Variants in CADPS2 observed in about 807,000 individuals in gnomAD.
CADPS2 encodes the protein calcium dependent secretion activator 2.
In CADPS2, 93 loss-of-function variants were observed where a neutral mutation model predicts 172.5. That is an observed-to-expected ratio of 0.54 (90% confidence interval 0.46 to 0.64). The LOEUF (loss-of-function observed/expected upper bound fraction) is 0.64, where lower values mean the gene tolerates loss of function less well. Among genes scored for constraint, CADPS2 ranks in the 30% least tolerant of loss-of-function variants. CADPS2 has a pLI of 0.00. For missense variants in CADPS2, 1,420 were observed against 1,565.9 expected (o/e 0.91, Z 1.57); for synonymous variants, 546 against 555.2 (o/e 0.98, Z 0.23).
intron 5 of CADPS2, among the ~76,000 whole-genome samples, chr7:122,615,753 AAT>A (rs1320095648): frequency 2.0e-5 from 3 of 152,078 alleles, no homozygotes; most frequent in African/African-American, 7.2e-5. Flanking sequence ...CACTGATATC[AAT>A]ATGTGATATC....
chr7:122,735,232 A>C (rs983153688), intron 2 of CADPS2, among the ~76,000 whole-genome samples: 1 of 152,092 alleles, frequency 6.6e-6, no homozygotes, highest in Non-Finnish European at 1.5e-5. Flanking sequence ...TATTAGGTTG[A>C]AATCTTCCCC....
chr7:122,765,725 C>T (rs566542221), intron 1 of CADPS2, among the ~76,000 whole-genome samples: 12 of 152,054 alleles, frequency 7.9e-5, no homozygotes, highest in Non-Finnish European at 1.6e-4. Context: ...ATATACTATG[C>T]TAGCTGAAAT....
Position 122,857,045 on chromosome 7 carries a change from T to C in CADPS2, c.339+28954A>G, listed in dbSNP as rs368277516. Among the ~76,000 whole-genome samples the C allele has an allele frequency of 9.2e-5, 14 of 152,266 alleles. No homozygotes were observed. In the East Asian group the frequency reaches 2.5e-3, roughly 27 times the overall value. On this transcript the variant is annotated intron_variant, in intron 1 of 29. Coordinates refer to ENST00000449022, the MANE Select transcript of CADPS2 (RefSeq NM_017954.11). ...TTGCAGATATTCATCATGGCACAAA[T>C]TATGATTTGTATGTATGAGGAAAGA...
chr7:122,502,440 T>A (rs1261856553), intron 9 of CADPS2, among the ~76,000 whole-genome samples: 1 of 152,034 alleles, frequency 6.6e-6, no homozygotes, highest in Non-Finnish European at 1.5e-5. Flanking sequence ...AATTAAAGTT[T>A]TCTTAGCATT....
At chr7:122,718,095 T>C (rs770742681) in intron 2 of CADPS2, among the ~76,000 whole-genome samples, 1 of 149,362 alleles carries the variant, frequency 6.7e-6, no homozygotes, top group Non-Finnish European at 1.5e-5. Context: ...CCTCCTAAAA[T>C]GTTGGGATTA....
intron 1 of CADPS2, among the ~76,000 whole-genome samples, chr7:122,816,528 T>C (rs1347114751): frequency 1.3e-5 from 2 of 152,236 alleles, no homozygotes; most frequent in Non-Finnish European, 2.9e-5. Context: ...AATATTATGA[T>C]CTCCTTTCTT....
At chr7:122,527,617 A>AGTGTGTGTGTGTGTGT (rs59653845) in intron 8 of CADPS2, among the ~76,000 whole-genome samples, 15 of 83,872 alleles carry the variant, frequency 1.8e-4, no homozygotes, top group South Asian at 4.4e-4. Context: ...AGAGAGAGAG[A>AGTGTGTGTGTGTGTGT]GTGTGTGTGT....
chr7:122,658,124 C>T lies in CADPS2; in HGVS notation c.786+5113G>A, dbSNP rs555370418. 2.6e-5 allele frequency among the ~76,000 whole-genome samples: 4 copies of T among 152,160 alleles called. No homozygotes were observed. The East Asian group carries it at 7.7e-4, about 29-fold the overall frequency. The stretch of plus-strand genomic sequence containing the variant: ...CAAAAGAAGACATTTATGCAGCCAA[C>T]AGACATATGAAAAAATGCTCATCAT... On this transcript the variant is annotated intron_variant, in intron 3 of 29. Transcript: ENST00000449022.
At chr7:122,534,323 G>T (rs1034633973) in intron 8 of CADPS2, among the ~76,000 whole-genome samples, 2 of 152,040 alleles carry the variant, frequency 1.3e-5, no homozygotes, top group African/African-American at 2.4e-5. Context: ...AATAGGCTAA[G>T]CTTTTAACAT....
At chr7:122,818,457 C>G (rs1009706371) in intron 1 of CADPS2, among the ~76,000 whole-genome samples, 1 of 152,126 alleles carries the variant, frequency 6.6e-6, no homozygotes, top group East Asian at 1.9e-4. Context: ...CCTTCCTAGT[C>G]TCTGTGCCCA....
chr7:122,755,342 C>T (rs2093114003), intron 1 of CADPS2, among the ~76,000 whole-genome samples: 1 of 152,162 alleles, frequency 6.6e-6, no homozygotes, highest in Non-Finnish European at 1.5e-5. Flanking sequence ...TGAACTAGGG[C>T]ATATAACTAC....
At chr7:122,781,444 C>T (rs1354862542) in intron 1 of CADPS2, among the ~76,000 whole-genome samples, 1 of 152,064 alleles carries the variant, frequency 6.6e-6, no homozygotes, top group Non-Finnish European at 1.5e-5. Context: ...ATCCAAGATT[C>T]TGTCTTATTT....
intron 6 of CADPS2, among the ~76,000 whole-genome samples, chr7:122,603,954 A>C (rs2073146020): frequency 6.6e-6 from 1 of 152,152 alleles, no homozygotes; most frequent in Non-Finnish European, 1.5e-5. Context: ...ACAAGTTCTA[A>C]GAACTCTGTA....
At chr7:122,574,319 A>G (rs2067672282) in intron 7 of CADPS2, among the ~76,000 whole-genome samples, 4 of 151,252 alleles carry the variant, frequency 2.6e-5, no homozygotes. Context: ...GGTGGCATAC[A>G]CCTATGGCCT....
chr7:122,572,036 T>A (rs1244776044), intron 7 of CADPS2, among the ~76,000 whole-genome samples: 1 of 152,174 alleles, frequency 6.6e-6, no homozygotes. Context: ...GCATTATATA[T>A]CTACATGTGA....
At chr7:122,575,719 G>A (rs1307553971) in intron 7 of CADPS2, among the ~76,000 whole-genome samples, 1 of 152,132 alleles carries the variant, frequency 6.6e-6, no homozygotes, top group African/African-American at 2.4e-5. Context: ...TTACAAGCAT[G>A]AGCTACTGCA....
rs1159112244 is a variant in CADPS2 at position 122,447,543 on chromosome 7, A to ATTTTTTTTTTTTTTTTTT, written c.2288+3813_2288+3830dup. The stretch of plus-strand genomic sequence containing the variant: ...CCATGTTGATTTCTTGTTTCGGGGA[A>ATTTTTTTTTTTTTTTTTT]TTTTTTTTTTTTTTTTTTTTTTTTT... On this transcript the variant is annotated intron_variant, in intron 15 of 29. Transcript: ENST00000449022. 2.1e-3 allele frequency among the ~76,000 whole-genome samples: 189 copies of ATTTTTTTTTTTTTTTTTT among 89,772 alleles called. 32 individuals are homozygous for ATTTTTTTTTTTTTTTTTT. The highest frequency in any genetic ancestry group is 0.01 in the East Asian group (26 of 2,590). The allele number at this position is 89,772 out of a possible 152,430, so 58.9% of individuals were successfully genotyped here.
chr7:122,613,544 T>C (rs1234813382), intron 6 of CADPS2, among the ~76,000 whole-genome samples: 1 of 151,094 alleles, frequency 6.6e-6, no homozygotes, highest in African/African-American at 2.4e-5. Context: ...ATCCCTGCTG[T>C]TAAGTAACAC....
intron 1 of CADPS2, among the ~76,000 whole-genome samples, chr7:122,752,270 A>G (rs2092983280): frequency 6.6e-6 from 1 of 152,192 alleles, no homozygotes; most frequent in Non-Finnish European, 1.5e-5. Context: ...CTCTATAAAG[A>G]TATCTACTTA....
Sources: allele counts gnomAD v4.1 joint callset (sites outside exome capture counted in the v4.1 genomes callset), GRCh38; gene constraint gnomAD v4.1.1; transcripts MANE v1.5; gene names NCBI Gene and HGNC (gene_info 2026-07-23, HGNC 2026-07-21).